KIZ: variants seen among roughly 807,000 people sequenced by gnomAD.
KIZ encodes the protein kizuna centrosomal protein.
A neutral mutation model predicts 79.6 loss-of-function variants in KIZ; 68 were observed. The ratio of observed to expected loss-of-function variants is 0.85; its 90% CI spans 0.70 to 1.05. The LOEUF (loss-of-function observed/expected upper bound fraction) is 1.05, where lower values mean the gene tolerates loss of function less well. Ranked by LOEUF, KIZ falls within the 50% of genes least tolerant of loss-of-function variation. The probability of loss-of-function intolerance (pLI) is 0.00; values close to 1 mark genes in which losing one functional copy is unlikely to be tolerated. For synonymous variants in KIZ, 280 were observed against 281.8 expected (o/e 0.99, Z 0.06); for missense variants, 797 against 800.4 (o/e 1.00, Z 0.05).
At chr20:21,127,498 G>A (rs1009492026) in intron 1 of KIZ, among the ~76,000 whole-genome samples, 1 of 152,152 alleles carries the variant, frequency 6.6e-6, no homozygotes, top group Non-Finnish European at 1.5e-5. Flanking sequence ...TGTACTTTAT[G>A]ATTAACACTT....
intron 6 of KIZ, among the ~76,000 whole-genome samples, chr20:21,203,563 CATT>C (rs1279786503): frequency 1.3e-5 from 2 of 152,172 alleles, no homozygotes; most frequent in Non-Finnish European, 2.9e-5. Context: ...CTAGATACAT[CATT>C]AATTTGGACT....
chr20:21,214,868 C>T (rs1408656657), intron 8 of KIZ, among the ~76,000 whole-genome samples, 168 bp downstream of exon 8: 3 of 152,102 alleles, frequency 2.0e-5, no homozygotes, highest in Admixed American at 6.6e-5. Flanking sequence ...ATATGTTCTC[C>T]TTTAGTCTAA....
intron 7 of KIZ, among the ~76,000 whole-genome samples, chr20:21,207,569 T>C (rs2035884050): frequency 6.9e-6 from 1 of 144,028 alleles, no homozygotes; most frequent in Non-Finnish European, 1.5e-5. Context: ...CTTCCTTCCC[T>C]CCCCCCTTTC....
At chr20:21,162,546 G>T (rs1346592492) in intron 5 of KIZ, 39 bp downstream of exon 5, 1 of 1,532,654 alleles carries the variant, frequency 6.5e-7, no homozygotes, top group South Asian at 1.2e-5. Flanking sequence ...GATTTTTCTG[G>T]GTGGTAGTGA....
At chr20:21,175,941 A>C (rs1431363650) in intron 6 of KIZ, among the ~76,000 whole-genome samples, 1 of 152,100 alleles carries the variant, frequency 6.6e-6, no homozygotes, top group Non-Finnish European at 1.5e-5. Context: ...ACTTAAATGC[A>C]GGAGGTGGAG....
Position 21,162,215 on chromosome 20 carries a change from T to C in KIZ, c.750T>C (p.His250=). The change falls in exon 5 of 13, where the codon CAT becomes CAC. Residue 250 remains histidine, a synonymous_variant. Coordinates refer to ENST00000619189, the MANE Select transcript of KIZ (RefSeq NM_018474.6). ...ASVLSEEEQT[H]CLEIGSNTRH... is the part of the protein sequence containing the mutation. ...TATTGTCTGAGGAGGAACAAACTCA[T>C]TGCTTGGAGATAGGAAGTAACACAC... The C allele has an allele frequency of 6.2e-7, 1 of 1,613,734 alleles. No homozygotes were observed. Among genetic ancestry groups the C allele is most frequent in the South Asian group, 1.1e-5 (1 of 91,082 alleles).
chr20:21,171,246 G>A (rs757958600), intron 6 of KIZ, among the ~76,000 whole-genome samples: 5 of 152,108 alleles, frequency 3.3e-5, no homozygotes, highest in Admixed American at 2.0e-4. Context: ...TGAGATGTCT[G>A]TTCAGATCTG....
chr20:21,186,804 C>T (rs1468146703), intron 6 of KIZ, among the ~76,000 whole-genome samples: 10 of 151,976 alleles, frequency 6.6e-5, no homozygotes, highest in Non-Finnish European at 7.4e-5. Flanking sequence ...GCTTACATCC[C>T]GCCTTCCCTT....
rs763190089 is a variant in KIZ, at chr20:21,214,659, A to G, written c.1571A>G (p.Lys524Arg). Residue 524 changes from lysine (K) to arginine (R), a missense_variant, in exon 8 of 13, where the codon AAA (lysine) becomes AGA (arginine). Lys to Arg is a conservative substitution (Grantham distance 26). Transcript: ENST00000619189. ...LNDNSGIKEA[K>R]PAVWLNSVPT... ...GACAATAGTGGAATAAAGGAAGCCA[A>G]ACCTGCTGTATGGCTCAACAGTGTT... 4.3e-6 allele frequency: 7 copies of G among 1,612,292 alleles called. No homozygotes were observed. Among genetic ancestry groups the G allele is most frequent in the South Asian group, 2.2e-5 (2 of 91,040 alleles).
rs116100129 is a variant in KIZ at position 21,132,169 on chromosome 20, G to T, written c.152+10G>T. 7.2e-7 allele frequency: 1 copy of T among 1,386,566 alleles called. No individual in the cohort carries two copies. The highest frequency in any genetic ancestry group is 1.4e-5 in the South Asian group (1 of 74,006). The allele number at this position is 1,386,566 out of a possible 1,614,324, so 85.9% of individuals were successfully genotyped here. ...AGTCTGATACATGCAGGTAAGAGAC[G>T]ACAGTGGGAACAGTTTTCAAGCCAG... is the stretch of plus-strand genomic sequence containing the variant. On this transcript the variant is annotated intron_variant, in intron 2 of 12. Transcript: ENST00000619189.
At chr20:21,167,559 C>CTTTTT (rs11445129) in intron 6 of KIZ, among the ~76,000 whole-genome samples, 2 of 111,796 alleles carry the variant, frequency 1.8e-5, no homozygotes, top group African/African-American at 3.4e-5. Context: ...GTTTGTTTCG[C>CTTTTT]TTTTTTTTTT....
chr20:21,186,682 CA>C (rs1224072569), intron 6 of KIZ, among the ~76,000 whole-genome samples: 1 of 151,502 alleles, frequency 6.6e-6, no homozygotes, highest in Non-Finnish European at 1.5e-5. Context: ...CCACTTTACT[CA>C]AATGTAGAAT....
At chr20:21,159,839 G>C (rs935961403) in intron 4 of KIZ, among the ~76,000 whole-genome samples, 1 of 152,092 alleles carries the variant, frequency 6.6e-6, no homozygotes, top group Non-Finnish European at 1.5e-5. Flanking sequence ...ACAAGATTTT[G>C]TGTAGTCATA....
intron 4 of KIZ, chr20:21,158,836 C>G (rs964238762): frequency 1.3e-5 from 2 of 152,130 alleles, no homozygotes; most frequent in Admixed American, 6.5e-5. Context: ...CTCTGTAGCC[C>G]AGGCTGGAGT....
chr20:21,209,383 T>C (rs1435353110), intron 7 of KIZ, among the ~76,000 whole-genome samples: 1 of 152,222 alleles, frequency 6.6e-6, no homozygotes, highest in African/African-American at 2.4e-5. Context: ...GTGATACCTG[T>C]TTCTGCCCTG....
intron 4 of KIZ, among the ~76,000 whole-genome samples, chr20:21,159,270 C>T (rs2122650913): frequency 6.6e-6 from 1 of 152,254 alleles, no homozygotes; most frequent in South Asian, 2.1e-4. Context: ...CCTCCCATCT[C>T]AGCCTCAGGG....
intron 7 of KIZ, among the ~76,000 whole-genome samples, chr20:21,209,848 A>T (rs540587853): frequency 1.2e-4 from 19 of 152,238 alleles, no homozygotes; most frequent in African/African-American, 4.1e-4. Flanking sequence ...ATTTTATCAG[A>T]TGCATTTACA....
intron 4 of KIZ, among the ~76,000 whole-genome samples, chr20:21,150,236 C>A (rs1201426312): frequency 2.0e-5 from 3 of 152,206 alleles, no homozygotes; most frequent in Admixed American, 1.3e-4. Flanking sequence ...GGACACTGGG[C>A]AGGTACTGGA....
intron 5 of KIZ, 125 bp from the exon 6 acceptor site, chr20:21,162,725 G>T: frequency 1.1e-6 from 1 of 873,938 alleles, no homozygotes; most frequent in East Asian, 2.6e-5. Context: ...AAGCTTTTAA[G>T]TTCCGTAATG....
Sources: allele counts gnomAD v4.1 joint callset (sites outside exome capture counted in the v4.1 genomes callset), GRCh38; gene constraint gnomAD v4.1.1; transcripts MANE v1.5; gene names NCBI Gene and HGNC (gene_info 2026-07-23, HGNC 2026-07-21).